Variants in ZRANB2 observed in about 807,000 individuals in gnomAD.
ZRANB2 encodes the protein zinc finger RANBP2-type containing 2.
ZRANB2 carries 19 observed loss-of-function variants against 53.4 expected under a neutral mutation model. That is an observed-to-expected ratio of 0.36 (90% CI 0.25 to 0.52). ZRANB2 has a LOEUF of 0.52. ZRANB2 is among the 20% of genes least tolerant of loss of function. The pLI, the probability that ZRANB2 is intolerant of heterozygous loss-of-function variation, is 0.93. For synonymous variants in ZRANB2, 145 were observed against 134.8 expected, an observed-to-expected ratio of 1.08 and a Z score of -0.52; for missense variants, 309 against 401.1, an observed-to-expected ratio of 0.77 and a Z score of 1.96.
At position 71,064,927 on chromosome 1, in the gene ZRANB2, AAC is replaced by A. The variant is rs1221558757; in HGVS notation, c.*145_*146del. On this transcript the variant is annotated 3_prime_UTR_variant, in exon 10 of 10. Coordinates refer to ENST00000370920, the MANE Select transcript of ZRANB2 (RefSeq NM_203350.3). ...CTATTTACTTTTAACTTCACAAATAAACACAGCTGTATTGTTTTGAAAAGCAA... is the reference window on the plus strand; with the variant it reads ...CTATTTACTTTTAACTTCACAAATAAACAGCTGTATTGTTTTGAAAAGCAA... 1.2e-5 allele frequency: 6 copies of A among 488,326 alleles called. No individual in the cohort carries two copies. The highest frequency in any genetic ancestry group is 2.2e-5 in the Non-Finnish European group (6 of 269,562). The allele number at this position is 488,326 out of a possible 1,614,324, so 30.2% of individuals were successfully genotyped here.
At chr1:71,075,416 A>T (rs1222078007) in intron 4 of ZRANB2, among the ~76,000 whole-genome samples, 1 of 152,166 alleles carries the variant, frequency 6.6e-6, no homozygotes, top group East Asian at 1.9e-4. Flanking sequence ...TAAAATCACA[A>T]ATTCAGTTTG....
intron 9 of ZRANB2, among the ~76,000 whole-genome samples, chr1:71,065,360 A>G (rs1035135222): frequency 1.3e-5 from 2 of 152,092 alleles, no homozygotes; most frequent in Non-Finnish European, 2.9e-5. Context: ...TACAATTTCA[A>G]AAGAATCTCA....
intron 3 of ZRANB2, among the ~76,000 whole-genome samples, chr1:71,077,785 G>C (rs1005587741): frequency 6.6e-6 from 1 of 152,212 alleles, no homozygotes. Flanking sequence ...GAGCCTGGGA[G>C]GTAGAGGTTA....
chr1:71,072,363 T>C, intron 5 of ZRANB2, 108 bp from the exon 6 acceptor site: 10 of 1,437,158 alleles, frequency 7.0e-6, no homozygotes, highest in Non-Finnish European at 9.5e-6. Context: ...AATGATCAGT[T>C]GCTGAAGACT....
At chr1:71,065,407 T>G (rs1375743438) in intron 9 of ZRANB2, among the ~76,000 whole-genome samples, 1 of 151,994 alleles carries the variant, frequency 6.6e-6, no homozygotes, top group East Asian at 1.9e-4. Flanking sequence ...ATTTAAGATA[T>G]CAAAGAAAAG....
intron 7 of ZRANB2, among the ~76,000 whole-genome samples, chr1:71,070,565 A>C (rs1326166120): frequency 6.6e-6 from 1 of 152,124 alleles, no homozygotes; most frequent in Non-Finnish European, 1.5e-5. Flanking sequence ...ATAAAAATTT[A>C]ATTCAGTTTT....
intron 3 of ZRANB2, among the ~76,000 whole-genome samples, chr1:71,077,478 T>C (rs2101051476): frequency 6.6e-6 from 1 of 152,324 alleles, no homozygotes; most frequent in African/African-American, 2.4e-5. Context: ...TTCCAAAGCA[T>C]ACCAAATCCA....
chr1:71,072,005 G>C (rs779858569), intron 6 of ZRANB2, 116 bp downstream of exon 6: 27 of 1,434,758 alleles, frequency 1.9e-5, no homozygotes, highest in Non-Finnish European at 2.2e-5. Context: ...ACCTTTGTGA[G>C]AACAAATGAA....
At chr1:71,067,098 C>G in intron 8 of ZRANB2, 164 bp from the exon 9 acceptor site, 1 of 554,500 alleles carries the variant, frequency 1.8e-6, no homozygotes, top group Non-Finnish European at 2.9e-6. Flanking sequence ...TCTGGATCAA[C>G]CATGAAAACA....
At chr1:71,068,517 GACC>G in intron 8 of ZRANB2, among the ~76,000 whole-genome samples, 1 of 152,128 alleles carries the variant, frequency 6.6e-6, no homozygotes, top group Non-Finnish European at 1.5e-5. Flanking sequence ...TACTACTTAA[GACC>G]ACATCCTATC....
rs1661761674 is a variant in ZRANB2, at chr1:71,078,464, A to C, written c.211T>G (p.Cys71Gly). 1 of 1,612,606 alleles carries C rather than the reference A, an allele frequency of 6.2e-7. No individual in the cohort carries two copies. The highest frequency in any genetic ancestry group is 8.5e-7 in the Non-Finnish European group (1 of 1,179,346). The change falls in exon 3 of 10, where the codon TGT (cysteine) becomes GGT (glycine). Residue 71 changes from cysteine (C) to glycine (G), a missense_variant. Physicochemically the swap from Cys to Gly is radical, Grantham distance 159. Coordinates refer to ENST00000370920, the MANE Select transcript of ZRANB2 (RefSeq NM_203350.3). ...ATAATTTAAAAAACATACGTTTTAC[A>C]TTGCCAGTCATTAGCACTAAATAGG... ...RGLFSANDWQ[C>G]KTCSNVNWAR... is the part of the protein sequence containing the mutation.
intron 3 of ZRANB2, among the ~76,000 whole-genome samples, chr1:71,077,259 A>G (rs1270710737): frequency 6.6e-6 from 1 of 152,314 alleles, no homozygotes. Context: ...GGAGCATTTC[A>G]GATTTTCAGA....
At chr1:71,066,279 A>G (rs577588422) in intron 9 of ZRANB2, 1 of 153,978 alleles carries the variant, frequency 6.5e-6, no homozygotes, top group South Asian at 2.0e-4. Flanking sequence ...TGAAAAATGT[A>G]TTAGCTACAA....
chr1:71,080,664 G>C (rs1386968062), intron 1 of ZRANB2, among the ~76,000 whole-genome samples: 3 of 138,930 alleles, frequency 2.2e-5, no homozygotes. Context: ...GAGGGGGGTG[G>C]GGGCAAAAAG....
At chr1:71,074,550 C>A (rs1469023162) in intron 4 of ZRANB2, among the ~76,000 whole-genome samples, 2 of 151,992 alleles carry the variant, frequency 1.3e-5, no homozygotes, top group African/African-American at 2.4e-5. Context: ...TGATTCTACA[C>A]CCTGAACAAT....
In ZRANB2 at chr1:71,072,232, G is replaced by A. The variant is rs374317749; in HGVS notation, c.402C>T (p.Tyr134=). The A allele has an allele frequency of 6.2e-5, 100 of 1,609,304 alleles. No homozygotes were observed. The African/African-American group carries it at 1.2e-3, about 19-fold the overall frequency. The part of the protein sequence containing the change: ...YDEFGRKKKK[Y]RGKAVGPASI... ...ATGCAGGACCAACTGCTTTCCCTCTGTATTTTTTCTTTTTACGTCCAAACT... is the reference window on the plus strand; with the variant it reads ...ATGCAGGACCAACTGCTTTCCCTCTATATTTTTTCTTTTTACGTCCAAACT... The change falls in exon 6 of 10, where the codon TAC becomes TAT. Residue 134 remains tyrosine, a synonymous_variant. Coordinates refer to ENST00000370920, the MANE Select transcript of ZRANB2 (RefSeq NM_203350.3).
intron 8 of ZRANB2, among the ~76,000 whole-genome samples, chr1:71,068,010 C>T (rs1661493227): frequency 6.6e-6 from 1 of 151,902 alleles, no homozygotes; most frequent in Non-Finnish European, 1.5e-5. Context: ...TAAGAACACA[C>T]CACCATGCCT....
chr1:71,077,491 G>A (rs1661733739), intron 3 of ZRANB2, among the ~76,000 whole-genome samples: 4 of 152,112 alleles, frequency 2.6e-5, no homozygotes, highest in South Asian at 2.1e-4. Flanking sequence ...CAAATCCAGT[G>A]ACCAAATCTG....
At position 71,070,743 on chromosome 1, in the gene ZRANB2, T is replaced by A. The variant is rs1039877336; in HGVS notation, c.683+84A>T. 2.0e-5 allele frequency: 16 copies of A among 812,416 alleles called. No homozygotes were observed. The East Asian group carries it at 2.7e-4, about 14-fold the overall frequency. 50.3% of individuals were successfully genotyped at this position (812,416 alleles called of 1,614,324 possible). On this transcript the variant is annotated intron_variant, in intron 7 of 9. Transcript: ENST00000370920. The stretch of plus-strand genomic sequence containing the variant: ...TTTAAAATAAAAAGGAAAGTTTATT[T>A]CGTCAAGAAAAACAAAATTTATAAA...
Sources: gnomAD v4.1 joint callset for allele counts (sites outside exome capture counted in the v4.1 genomes callset) on GRCh38, gnomAD v4.1.1 for gene constraint, MANE v1.5 for transcripts, NCBI Gene and HGNC (gene_info 2026-07-23, HGNC 2026-07-21) for gene names.